FAM81A: variants seen among roughly 807,000 people sequenced by gnomAD.
FAM81A encodes protein FAM81A.
A neutral mutation model predicts 46.7 loss-of-function variants in FAM81A; 19 were observed. The ratio of observed to expected loss-of-function variants is 0.41; its 90% CI spans 0.28 to 0.60. The LOEUF (loss-of-function observed/expected upper bound fraction) is 0.60. FAM81A is among the 20% of genes least tolerant of loss of function. FAM81A has a pLI of 0.34. For missense variants in FAM81A, 377 were observed against 453.5 expected, an observed-to-expected ratio of 0.83 and a Z score of 1.53; for synonymous variants, 183 against 152.9, an observed-to-expected ratio of 1.20 and a Z score of -1.45.
chr15:59,432,945 C>T (rs558438071), intron 2 of FAM81A, among the ~76,000 whole-genome samples: 2 of 148,246 alleles, frequency 1.3e-5, no homozygotes, highest in South Asian at 2.1e-4. Context: ...ACCATCCTCC[C>T]TAACACGGTG....
chr15:59,401,438 A>G (rs1443643421), intron 1 of FAM81A: 15 of 800,400 alleles, frequency 1.9e-5, no homozygotes, highest in Non-Finnish European at 3.0e-5. Flanking sequence ...GGTGACTTTC[A>G]GTTCAGGATA....
chr15:59,457,306 C>G (rs574770309), intron 1 of FAM81A, among the ~76,000 whole-genome samples: 1 of 152,340 alleles, frequency 6.6e-6, no homozygotes, highest in East Asian at 1.9e-4. Context: ...CATATCCACA[C>G]CATGTATACC....
chr15:59,470,532 G>A lies in FAM81A; in HGVS notation c.294+10326G>A, dbSNP rs545844884. 3.3e-4 allele frequency among the ~76,000 whole-genome samples: 50 copies of A among 152,096 alleles called. No individual in the cohort carries two copies. In the South Asian group the frequency reaches 8.1e-3, roughly 25 times the overall value. On this transcript the variant is annotated intron_variant, in intron 3 of 8. Coordinates refer to ENST00000288228, the MANE Select transcript of FAM81A (RefSeq NM_152450.3). ...CTTGTGCATGCATCACGAAGTTCTC[G>A]TGCCATGGTTTTCAGCTCCATCAGG... is the stretch of plus-strand genomic sequence containing the variant.
intron 3 of FAM81A, among the ~76,000 whole-genome samples, chr15:59,489,194 G>A (rs76549623): frequency 1.3e-5 from 2 of 152,066 alleles, no homozygotes; most frequent in Admixed American, 6.5e-5. Context: ...GAACCTGGGA[G>A]GCGGAGGTTG....
intron 1 of FAM81A, among the ~76,000 whole-genome samples, chr15:59,454,311 C>A (rs890353753): frequency 1.3e-5 from 2 of 152,226 alleles, no homozygotes; most frequent in Admixed American, 1.3e-4. Flanking sequence ...GTATTCAACT[C>A]TTTAGTAAAA....
At chr15:59,513,665 T>C (rs2141834798) in intron 6 of FAM81A, among the ~76,000 whole-genome samples, 1 of 152,276 alleles carries the variant, frequency 6.6e-6, no homozygotes, top group African/African-American at 2.4e-5. Context: ...TATTGTATGA[T>C]GTCATTAAAA....
intron 2 of FAM81A, among the ~76,000 whole-genome samples, chr15:59,423,446 C>T (rs570255661): frequency 4.7e-4 from 71 of 152,282 alleles, no homozygotes; most frequent in South Asian, 2.1e-3. Flanking sequence ...CACTGCAGCT[C>T]AGAGATTTTA....
chr15:59,400,186 A>G (rs925134757), intron 1 of FAM81A, among the ~76,000 whole-genome samples: 37 of 152,096 alleles, frequency 2.4e-4, no homozygotes, highest in East Asian at 1.4e-3. Flanking sequence ...TTGCCCCCCA[A>G]TTCATTCCTC....
At chr15:59,401,863 T>G (rs1478142379) in intron 1 of FAM81A, 1 of 759,456 alleles carries the variant, frequency 1.3e-6, no homozygotes, top group Non-Finnish European at 2.4e-6. Flanking sequence ...TGGTAAGGCT[T>G]AGCCTTGAGA....
At chr15:59,410,067 T>C (rs572306013) in intron 2 of FAM81A, among the ~76,000 whole-genome samples, 1 of 152,250 alleles carries the variant, frequency 6.6e-6, no homozygotes, top group Admixed American at 6.5e-5. Flanking sequence ...TATGGGAGGC[T>C]GAGGCGGCGG....
chr15:59,466,334 C>T (rs547238288), intron 3 of FAM81A, among the ~76,000 whole-genome samples: 56 of 152,278 alleles, frequency 3.7e-4, no homozygotes, highest in African/African-American at 1.3e-3. Context: ...AGTGTAAAAG[C>T]GTTCCTATTT....
chr15:59,467,823 A>G (rs1170731700), intron 3 of FAM81A, among the ~76,000 whole-genome samples: 1 of 152,196 alleles, frequency 6.6e-6, no homozygotes, highest in Non-Finnish European at 1.5e-5. Context: ...TTGCCCATTC[A>G]GTATGATATT....
intron 4 of FAM81A, among the ~76,000 whole-genome samples, chr15:59,493,583 T>A (rs2082003457): frequency 6.6e-6 from 1 of 152,054 alleles, no homozygotes; most frequent in Non-Finnish European, 1.5e-5. Context: ...CCTTTCCTCC[T>A]CCTTTTCTTT....
At chr15:59,504,057 T>A (rs2082124418) in intron 4 of FAM81A, among the ~76,000 whole-genome samples, 1 of 152,234 alleles carries the variant, frequency 6.6e-6, no homozygotes, top group Non-Finnish European at 1.5e-5. Flanking sequence ...TGGTCTGATG[T>A]AGTGATACCT....
intron 2 of FAM81A, among the ~76,000 whole-genome samples, chr15:59,422,000 C>G (rs1218250950): frequency 6.6e-6 from 1 of 151,944 alleles, no homozygotes; most frequent in Non-Finnish European, 1.5e-5. Flanking sequence ...ATGGCCATAT[C>G]TTTTAAACAA....
At chr15:59,484,890 C>A (rs1040390899) in intron 3 of FAM81A, among the ~76,000 whole-genome samples, 1 of 152,092 alleles carries the variant, frequency 6.6e-6, no homozygotes, top group African/African-American at 2.4e-5. Flanking sequence ...AAAGGCGGGC[C>A]CGCTGCTCTG....
chr15:59,442,618 C>CAAAAAAAAA (rs1196305104), intron 1 of FAM81A, among the ~76,000 whole-genome samples: 117 of 76,594 alleles, frequency 1.5e-3, no homozygotes, highest in East Asian at 2.1e-3. Context: ...CTCCGTCTCT[C>CAAAAAAAAA]AAAAAAAAAA....
upstream of FAM81A, among the ~76,000 whole-genome samples, chr15:59,434,800 ACT>A (rs2081235864): frequency 6.6e-6 from 1 of 152,076 alleles, no homozygotes; most frequent in Non-Finnish European, 1.5e-5. Flanking sequence ...TCCATCTGAA[ACT>A]CACCACAGCC....
At chr15:59,427,223 G>C (rs1385715708) in intron 2 of FAM81A, among the ~76,000 whole-genome samples, 8 of 152,084 alleles carry the variant, frequency 5.3e-5, no homozygotes, top group African/African-American at 1.9e-4. Flanking sequence ...TGATTCTCCT[G>C]CTTCAGCCTC....
Sources: allele counts gnomAD v4.1 joint callset (sites outside exome capture counted in the v4.1 genomes callset), GRCh38; gene constraint gnomAD v4.1.1; transcripts MANE v1.5; gene names NCBI Gene and HGNC (gene_info 2026-07-23, HGNC 2026-07-21).